Variants in ELF5 observed in about 807,000 individuals in gnomAD.
ELF5 encodes E74 like ETS transcription factor 5, also known as ETS-related transcription factor Elf-5.
ELF5 carries 31 observed loss-of-function variants against 38.2 expected under a neutral mutation model. That is an observed-to-expected ratio of 0.81 (90% CI 0.61 to 1.10). The LOEUF is 1.10. Among genes scored for constraint, ELF5 ranks in the 50% least tolerant of loss-of-function variants. The pLI is 0.00. For missense variants in ELF5, 300 were observed against 306.6 expected, an observed-to-expected ratio of 0.98 and a Z score of 0.16; for synonymous variants, 121 against 112.5, an observed-to-expected ratio of 1.08 and a Z score of -0.48.
intron 2 of ELF5, among the ~76,000 whole-genome samples, chr11:34,496,048 C>CT (rs1850310197): frequency 6.7e-6 from 1 of 148,456 alleles, no homozygotes; most frequent in Non-Finnish European, 1.5e-5. Context: ...AGGCTCTGTT[C>CT]CCGTTTCCCT....
rs1213844993 is a variant in ELF5, at chr11:34,493,560, T to C, written c.274A>G (p.Met92Val). The C allele has an allele frequency of 3.1e-6, 5 of 1,614,232 alleles. No homozygotes were observed. Among genetic ancestry groups the C allele is most frequent in the Non-Finnish European group, 4.2e-6 (5 of 1,180,048 alleles). The change falls in exon 3 of 7, where the codon ATG (methionine) becomes GTG (valine). Residue 92 changes from methionine to valine, a missense_variant. Met to Val is a conservative substitution (Grantham distance 21). Transcript: ENST00000257832. ...GCCTCGACGAACTCCTCCTGTGTCA[T>C]GCTGCACAGCTGCAGGCCACTGATG... ...FNISGLQLCSMTQEEFVEAAG... is the reference protein window; with the variant it reads ...FNISGLQLCSVTQEEFVEAAG...
chr11:34,498,047 C>G (rs1850358477), intron 2 of ELF5, among the ~76,000 whole-genome samples: 1 of 152,202 alleles, frequency 6.6e-6, no homozygotes, highest in African/African-American at 2.4e-5. Context: ...TTGAAAATCA[C>G]TGTTCTCAAA....
intron 2 of ELF5, among the ~76,000 whole-genome samples, 177 bp from the exon 3 acceptor site, chr11:34,493,889 G>C (rs1178383355): frequency 6.6e-6 from 1 of 152,190 alleles, no homozygotes; most frequent in African/African-American, 2.4e-5. Context: ...GAGAAAACCA[G>C]AGGGACTGGA....
intron 2 of ELF5, among the ~76,000 whole-genome samples, chr11:34,504,245 G>A (rs570767202): frequency 6.6e-6 from 1 of 152,362 alleles, no homozygotes; most frequent in East Asian, 1.9e-4. Flanking sequence ...GTTAACCAAA[G>A]TTCAAGGGAA....
At chr11:34,488,224 C>T (rs1422551223) in intron 4 of ELF5, among the ~76,000 whole-genome samples, 1 of 152,102 alleles carries the variant, frequency 6.6e-6, no homozygotes, top group Non-Finnish European at 1.5e-5. Context: ...GAGAGCAAGA[C>T]TCAAATAGTG....
intron 4 of ELF5, among the ~76,000 whole-genome samples, chr11:34,484,982 C>T (rs768641626): frequency 6.6e-6 from 1 of 152,166 alleles, no homozygotes; most frequent in Non-Finnish European, 1.5e-5. Context: ...CTGTGAGTTC[C>T]TTGGTATCAC....
intron 2 of ELF5, among the ~76,000 whole-genome samples, chr11:34,497,285 A>T (rs933381628): frequency 1.3e-5 from 2 of 152,224 alleles, no homozygotes; most frequent in Non-Finnish European, 2.9e-5. Flanking sequence ...ATTTTGGGAA[A>T]GTTGAGCCAT....
intron 2 of ELF5, among the ~76,000 whole-genome samples, chr11:34,496,846 G>T (rs1018582510): frequency 6.6e-6 from 1 of 152,142 alleles, no homozygotes; most frequent in African/African-American, 2.4e-5. Context: ...AGGTCACGCG[G>T]CCTGTCAGTA....
intron 2 of ELF5, among the ~76,000 whole-genome samples, chr11:34,503,091 T>A (rs951701541): frequency 1.3e-5 from 2 of 152,246 alleles, no homozygotes; most frequent in African/African-American, 4.8e-5. Flanking sequence ...TGGCATTAAG[T>A]ACATTCACAT....
At chr11:34,493,099 A>C in intron 3 of ELF5, 1 of 354,990 alleles carries the variant, frequency 2.8e-6, no homozygotes, top group Non-Finnish European at 5.1e-6. Context: ...AAGGGAAGGT[A>C]GTCTATTTAA....
intron 1 of ELF5, among the ~76,000 whole-genome samples, chr11:34,510,092 A>G (rs1850716652): frequency 6.6e-6 from 1 of 152,168 alleles, no homozygotes; most frequent in Non-Finnish European, 1.5e-5. Context: ...TAATATTGTT[A>G]TTCTTTCTCC....
At chr11:34,506,617 G>T (rs7104121) in intron 1 of ELF5, among the ~76,000 whole-genome samples, 20,088 of 152,052 alleles carry the variant, frequency 0.13, 1,477 homozygotes, top group Admixed American at 0.21. Context: ...GGGTTCAAGC[G>T]ATCCTCCCAC....
At chr11:34,481,117 G>A (rs1051487690) in intron 5 of ELF5, 150 bp from the exon 6 acceptor site, 1 of 527,290 alleles carries the variant, frequency 1.9e-6, no homozygotes, top group African/African-American at 2.0e-5. Context: ...CTGCCTCCTG[G>A]GTTCAAGCGA....
chr11:34,498,755 A>T (rs1461102161), intron 2 of ELF5, among the ~76,000 whole-genome samples: 1 of 152,210 alleles, frequency 6.6e-6, no homozygotes, highest in African/African-American at 2.4e-5. Context: ...CTTCTTTGTT[A>T]TAGATAACTG....
intron 2 of ELF5, among the ~76,000 whole-genome samples, chr11:34,503,306 G>A (rs576735840): frequency 4.0e-5 from 6 of 151,620 alleles, no homozygotes; most frequent in Admixed American, 1.3e-4. Context: ...CTACAGGTGC[G>A]TGCCACCATG....
At chr11:34,483,339 T>A (rs1042093360) in intron 4 of ELF5, among the ~76,000 whole-genome samples, 1 of 152,006 alleles carries the variant, frequency 6.6e-6, no homozygotes, top group African/African-American at 2.4e-5. Context: ...TATTTATTCA[T>A]GAAGTTCACT....
intron 4 of ELF5, among the ~76,000 whole-genome samples, chr11:34,488,145 C>A (rs1176861926): frequency 6.6e-6 from 1 of 152,132 alleles, no homozygotes; most frequent in Non-Finnish European, 1.5e-5. Context: ...TTTATAATAT[C>A]ATCGTGATGA....
At chr11:34,506,156 T>G (rs369994345) in intron 1 of ELF5, among the ~76,000 whole-genome samples, 8 of 152,242 alleles carry the variant, frequency 5.3e-5, no homozygotes, top group African/African-American at 7.2e-5. Flanking sequence ...GATGCAGCCA[T>G]AAGAAAGAAC....
chr11:34,507,245 G>A (rs911688757), intron 1 of ELF5, among the ~76,000 whole-genome samples: 4 of 152,222 alleles, frequency 2.6e-5, no homozygotes, highest in African/African-American at 9.7e-5. Context: ...AGACGAGTGT[G>A]GACCTGTGGT....
Sources: gnomAD v4.1 joint callset for allele counts (sites outside exome capture counted in the v4.1 genomes callset) on GRCh38, gnomAD v4.1.1 for gene constraint, MANE v1.5 for transcripts, NCBI Gene and HGNC (gene_info 2026-07-23, HGNC 2026-07-21) for gene names.